ARHGAP22: variants seen among roughly 807,000 people sequenced by gnomAD.
ARHGAP22 encodes Rho GTPase activating protein 22.
ARHGAP22 carries 48 observed loss-of-function variants against 59.1 expected under a neutral mutation model. That is an observed-to-expected ratio of 0.81 (90% CI 0.64 to 1.03). ARHGAP22 has a LOEUF of 1.03. Ranked by LOEUF, ARHGAP22 falls within the 50% of genes least tolerant of loss-of-function variation. ARHGAP22 has a pLI of 0.00. For missense variants in ARHGAP22, 1,015 were observed against 958.7 expected (o/e 1.06, Z -0.78); for synonymous variants, 445 against 416.4 (o/e 1.07, Z -0.84).
chr10:48,465,900 C>T (rs2047613810), intron 4 of ARHGAP22, among the ~76,000 whole-genome samples: 1 of 152,202 alleles, frequency 6.6e-6, no homozygotes, highest in South Asian at 2.1e-4. Flanking sequence ...CACCCTTTGT[C>T]CGTCAGTGCA....
chr10:48,567,109 C>T (rs923444817), intron 2 of ARHGAP22, among the ~76,000 whole-genome samples: 1 of 152,174 alleles, frequency 6.6e-6, no homozygotes, highest in African/African-American at 2.4e-5. Context: ...CTGTGGTAAG[C>T]CAGGACCTTG....
intron 3 of ARHGAP22, among the ~76,000 whole-genome samples, chr10:48,548,153 C>T (rs1169359948): frequency 6.6e-6 from 1 of 152,184 alleles, no homozygotes; most frequent in Non-Finnish European, 1.5e-5. Context: ...ATTCAACCTT[C>T]CCAGCACAGA....
intron 4 of ARHGAP22, among the ~76,000 whole-genome samples, chr10:48,463,033 C>G (rs1244561245): frequency 2.6e-5 from 4 of 152,258 alleles, no homozygotes; most frequent in African/African-American, 7.2e-5. Context: ...ATGTTTGAAA[C>G]ATTTTTAAAT....
In ARHGAP22 at chr10:48,446,298, G is replaced by A; in HGVS notation, c.*93C>T. The A allele has an allele frequency of 7.3e-7, 1 of 1,374,778 alleles. No homozygotes were observed. Among genetic ancestry groups the A allele is most frequent in the Admixed American group, 2.1e-5 (1 of 48,636 alleles). The allele number at this position is 1,374,778 out of a possible 1,614,324, so 85.2% of individuals were successfully genotyped here. A position where few individuals can be genotyped will look rare whatever the true frequency, so the allele number is the denominator to read the frequency against. On this transcript the variant is annotated 3_prime_UTR_variant, in exon 10 of 10. Coordinates refer to ENST00000249601, the MANE Select transcript of ARHGAP22 (RefSeq NM_021226.4). ...CTCTCTCTCTCCAGCTGGCTCCAGAGCGCCTGGCTGCTCCAGAGATACAGA... is the reference window on the plus strand; with the variant it reads ...CTCTCTCTCTCCAGCTGGCTCCAGAACGCCTGGCTGCTCCAGAGATACAGA...
chr10:48,434,823 G>GC, the ARHGAP22 span: 138 of 1,480,790 alleles, frequency 9.3e-5, no homozygotes, highest in African/African-American at 1.8e-3. Flanking sequence ...TCAGTGCAGT[G>GC]CAAGTAGCTT....
chr10:48,455,966 C>G (rs985533064), intron 5 of ARHGAP22, among the ~76,000 whole-genome samples: 1 of 152,240 alleles, frequency 6.6e-6, no homozygotes, highest in African/African-American at 2.4e-5. Context: ...GTCTCCCGCT[C>G]TGGCTCGGAG....
chr10:48,572,932 G>T (rs906680590), intron 2 of ARHGAP22, among the ~76,000 whole-genome samples: 1 of 152,180 alleles, frequency 6.6e-6, no homozygotes. Context: ...AATAGGCTCT[G>T]CTTGTTGGGA....
intron 3 of ARHGAP22, among the ~76,000 whole-genome samples, chr10:48,485,269 C>T (rs2049741919): frequency 6.6e-6 from 1 of 152,144 alleles, no homozygotes; most frequent in East Asian, 1.9e-4. Context: ...TGAACTACTA[C>T]TTTAGAGGCA....
chr10:48,555,751 G>A (rs776273482), intron 2 of ARHGAP22, among the ~76,000 whole-genome samples: 30 of 152,172 alleles, frequency 2.0e-4, no homozygotes, highest in Non-Finnish European at 3.1e-4. Flanking sequence ...GATTAAGGTG[G>A]ACACTGTAGT....
chr10:48,617,282 G>A (rs1214982084), intron 1 of ARHGAP22, among the ~76,000 whole-genome samples: 1 of 151,936 alleles, frequency 6.6e-6, no homozygotes, highest in Non-Finnish European at 1.5e-5. Flanking sequence ...CAGTCTCAGT[G>A]TTAGACAGAT....
intron 3 of ARHGAP22, among the ~76,000 whole-genome samples, chr10:48,515,566 GCAGACCTAA>G (rs2053207102): frequency 6.6e-6 from 1 of 152,274 alleles, no homozygotes; most frequent in African/African-American, 2.4e-5. Context: ...AAGGAATCAA[GCAGACCTAA>G]CATACAACTG....
intron 3 of ARHGAP22, among the ~76,000 whole-genome samples, chr10:48,483,587 T>C (rs1389695437): frequency 1.3e-5 from 2 of 152,204 alleles, no homozygotes; most frequent in Non-Finnish European, 2.9e-5. Context: ...TTGTGTTTTT[T>C]ATAATAGGCA....
At chr10:48,436,308 C>T in the ARHGAP22 span, 9 of 152,132 alleles carry the variant, frequency 5.9e-5, no homozygotes, top group Non-Finnish European at 1.2e-4. Flanking sequence ...ATGTGGATGT[C>T]GAGTAGTGTT....
At chr10:48,620,048 C>T (rs141175767) in intron 1 of ARHGAP22, among the ~76,000 whole-genome samples, 8 of 152,142 alleles carry the variant, frequency 5.3e-5, no homozygotes, top group East Asian at 1.9e-4. Flanking sequence ...GGAAAGCTAA[C>T]GAGCAAACTA....
rs956136308 is a variant in ARHGAP22, at chr10:48,604,931, G to C, written c.-135C>G. The stretch of plus-strand genomic sequence containing the variant: ...CGTGGCCGCTGGCGTCACCCGTCAG[G>C]CTCCCTCGGCTACCTCTCCTGGCTC... On this transcript the variant is annotated 5_prime_UTR_variant, in exon 1 of 10. Transcript: ENST00000249601. The C allele has an allele frequency of 6.4e-7, 1 of 1,550,824 alleles. No individual in the cohort carries two copies. Among genetic ancestry groups the C allele is most frequent in the Non-Finnish European group, 8.7e-7 (1 of 1,151,672 alleles).
chr10:48,482,407 A>T (rs894281119), intron 3 of ARHGAP22, among the ~76,000 whole-genome samples: 5 of 152,216 alleles, frequency 3.3e-5, no homozygotes, highest in Non-Finnish European at 7.3e-5. Context: ...GCAAATAGAG[A>T]CAGTTTACTT....
chr10:48,644,272 A>G lies in ARHGAP22; in HGVS notation c.52+7962T>C, dbSNP rs568723617. 8.5e-5 allele frequency among the ~76,000 whole-genome samples: 13 copies of G among 152,372 alleles called. No homozygotes were observed. In the South Asian group the frequency reaches 2.5e-3, roughly 29 times the overall value. On this transcript the variant is annotated intron_variant, in intron 1 of 9. Transcript: ENST00000435790. ...TGTATGGAGATAACATGAGAGCCCC[A>G]AAATGCATGAAGCAAAAACAGACGG...
chr10:48,494,155 G>GGTA (rs1339513378), intron 3 of ARHGAP22, among the ~76,000 whole-genome samples: 1 of 142,152 alleles, frequency 7.0e-6, no homozygotes, highest in African/African-American at 2.7e-5. Flanking sequence ...TATCCTCTAA[G>GGTA]GTAGACACAT....
chr10:48,513,269 C>T (rs1018941028), intron 3 of ARHGAP22, among the ~76,000 whole-genome samples: 4 of 152,226 alleles, frequency 2.6e-5, no homozygotes, highest in African/African-American at 9.6e-5. Context: ...GAGATATCCA[C>T]TGGGGGCTTT....
Sources: allele counts gnomAD v4.1 joint callset (sites outside exome capture counted in the v4.1 genomes callset), GRCh38; gene constraint gnomAD v4.1.1; transcripts MANE v1.5; gene names NCBI Gene and HGNC (gene_info 2026-07-23, HGNC 2026-07-21).